Variants in RARB observed in about 807,000 individuals in gnomAD.
RARB encodes retinoic acid receptor beta.
A neutral mutation model predicts 51.9 loss-of-function variants in RARB; 17 were observed. That is an observed-to-expected ratio of 0.33 (90% CI 0.22 to 0.49). The LOEUF (loss-of-function observed/expected upper bound fraction) is 0.49. Ranked by LOEUF, RARB falls within the 20% of genes least tolerant of loss-of-function variation. The pLI is 0.99. For synonymous variants in RARB, 215 were observed against 195.4 expected, an observed-to-expected ratio of 1.10 and a Z score of -0.84; for missense variants, 369 against 550.8, an observed-to-expected ratio of 0.67 and a Z score of 3.30.
At chr3:25,267,808 T>A (rs1488904691) in intron 5 of RARB, among the ~76,000 whole-genome samples, 1 of 152,196 alleles carries the variant, frequency 6.6e-6, no homozygotes, top group East Asian at 1.9e-4. Context: ...ACAGTGAAAA[T>A]CAGAACATTA....
At chr3:25,573,616 C>T (rs1329650625) in intron 4 of RARB, among the ~76,000 whole-genome samples, 1 of 152,182 alleles carries the variant, frequency 6.6e-6, no homozygotes, top group Non-Finnish European at 1.5e-5. Flanking sequence ...TTCTGGAAGT[C>T]GGTGGTATAA....
intron 1 of RARB, among the ~76,000 whole-genome samples, chr3:25,436,465 C>T (rs1214507783): frequency 6.6e-6 from 1 of 152,160 alleles, no homozygotes; most frequent in African/African-American, 2.4e-5. Context: ...AAACTAACTG[C>T]TGTATCAAAT....
At chr3:25,563,178 AC>A (rs1420122834) in intron 3 of RARB, among the ~76,000 whole-genome samples, 1 of 152,118 alleles carries the variant, frequency 6.6e-6, no homozygotes, top group Admixed American at 6.5e-5. Flanking sequence ...GCCTCCTGTC[AC>A]CTTTTGAAGT....
chr3:25,051,418 C>T (rs2125299791), intron 2 of RARB, among the ~76,000 whole-genome samples: 1 of 152,206 alleles, frequency 6.6e-6, no homozygotes, highest in East Asian at 1.9e-4. Context: ...TCTAAAGATG[C>T]TTTATGCCTA....
At chr3:24,995,982 TAAG>T (rs1436001158) in intron 2 of RARB, among the ~76,000 whole-genome samples, 10 of 152,138 alleles carry the variant, frequency 6.6e-5, no homozygotes, top group African/African-American at 1.9e-4. Context: ...TAGAATGAGT[TAAG>T]AAGAATTTCT....
intron 2 of RARB, among the ~76,000 whole-genome samples, chr3:24,896,657 T>A (rs1553611771): frequency 6.6e-6 from 1 of 152,192 alleles, no homozygotes; most frequent in Non-Finnish European, 1.5e-5. Flanking sequence ...AACTGTATGC[T>A]TAAAAATATT....
intron 5 of RARB, among the ~76,000 whole-genome samples, chr3:25,243,200 G>T (rs939912775): frequency 6.6e-6 from 1 of 152,200 alleles, no homozygotes; most frequent in South Asian, 2.1e-4. Flanking sequence ...AGCTTAAGGA[G>T]TTCTTGGGCT....
intron 2 of RARB, among the ~76,000 whole-genome samples, chr3:25,034,418 C>A (rs1376721322): frequency 1.3e-5 from 2 of 152,200 alleles, no homozygotes; most frequent in Non-Finnish European, 2.9e-5. Flanking sequence ...CTTAAAAATG[C>A]AATGTCTTTC....
intron 2 of RARB, among the ~76,000 whole-genome samples, chr3:25,494,922 G>C (rs1443768683): frequency 6.6e-6 from 1 of 152,202 alleles, no homozygotes; most frequent in Non-Finnish European, 1.5e-5. Context: ...TGGCCAGACT[G>C]TGCTAACACT....
At position 25,201,621 on chromosome 3, in the gene RARB, T is replaced by A. The variant is rs545068116; in HGVS notation, c.178+27046T>A. Among the ~76,000 whole-genome samples, 32 of 152,276 alleles carry A rather than the reference T, an allele frequency of 2.1e-4. No homozygotes were observed. In the South Asian group the frequency reaches 6.4e-3, roughly 31 times the overall value. Reference sequence around the variant, plus strand: ...ATAGGTCCCATCAATACCTAATTTATTGAGAGTTTTTAGCATGAAGCGTTG... The same window carrying A: ...ATAGGTCCCATCAATACCTAATTTAATGAGAGTTTTTAGCATGAAGCGTTG... On this transcript the variant is annotated intron_variant, in intron 5 of 11. Transcript: ENST00000383772.
chr3:24,976,820 C>T (rs1252304827), intron 2 of RARB, among the ~76,000 whole-genome samples: 1 of 152,146 alleles, frequency 6.6e-6, no homozygotes, highest in Non-Finnish European at 1.5e-5. Context: ...GTGTTTTAGA[C>T]ATGAAGTCCT....
At chr3:25,404,661 T>TG (rs201272806) in intron 5 of RARB, among the ~76,000 whole-genome samples, 2,469 of 152,240 alleles carry the variant, frequency 0.016, 61 homozygotes, top group African/African-American at 0.057. Context: ...AGCAGGGGCA[T>TG]GGCGGGGAAG....
At chr3:24,970,046 T>A (rs1212086341) in intron 2 of RARB, among the ~76,000 whole-genome samples, 2 of 152,016 alleles carry the variant, frequency 1.3e-5, no homozygotes, top group African/African-American at 4.8e-5. Flanking sequence ...ACAGTACATA[T>A]TTTAGGCTGT....
chr3:25,588,933 A>G (rs1041920973), intron 5 of RARB, among the ~76,000 whole-genome samples: 1 of 152,196 alleles, frequency 6.6e-6, no homozygotes, highest in Non-Finnish European at 1.5e-5. Context: ...CACTTTCACC[A>G]TATTCTATTT....
At chr3:25,557,670 C>G (rs959678823) in intron 3 of RARB, among the ~76,000 whole-genome samples, 1 of 152,182 alleles carries the variant, frequency 6.6e-6, no homozygotes, top group Non-Finnish European at 1.5e-5. Flanking sequence ...AGACATCCCT[C>G]TTCTCTCACT....
chr3:25,086,657 A>G (rs1699110918), intron 3 of RARB, among the ~76,000 whole-genome samples: 1 of 151,404 alleles, frequency 6.6e-6, no homozygotes, highest in Non-Finnish European at 1.5e-5. Context: ...TAAGATGTAC[A>G]TTGGTTCGGT....
chr3:25,433,683 A>G (rs1010149432), intron 1 of RARB, among the ~76,000 whole-genome samples: 1 of 152,170 alleles, frequency 6.6e-6, no homozygotes, highest in African/African-American at 2.4e-5. Context: ...GCTTGGTCTA[A>G]GTACCTCTTG....
Position 24,830,420 on chromosome 3 carries a change from C to CGTGTGTGTGTGTGTGTGTGT in RARB, c.-459+1020_-459+1039dup, listed in dbSNP as rs59434163. On this transcript the variant is annotated intron_variant, in intron 1 of 11. Coordinates refer to the RARB transcript ENST00000383772. ...TTGAAAGTGAACAGGTGACAGAAGACGTGTGTGTGTGTGTGTGTGTGTACG... is the reference window on the plus strand; with the variant it reads ...TTGAAAGTGAACAGGTGACAGAAGACGTGTGTGTGTGTGTGTGTGTGTGTGTGTGTGTGTGTGTGTGTACG... 2.6e-3 allele frequency among the ~76,000 whole-genome samples: 317 copies of CGTGTGTGTGTGTGTGTGTGT among 121,506 alleles called. 5 individuals are homozygous for CGTGTGTGTGTGTGTGTGTGT. The highest frequency in any genetic ancestry group is 5.6e-3 in the African/African-American group (168 of 30,222). 79.7% of individuals were successfully genotyped at this position (121,506 alleles called of 152,430 possible).
At chr3:25,063,388 C>A (rs1261629079) in intron 3 of RARB, among the ~76,000 whole-genome samples, 2 of 151,996 alleles carry the variant, frequency 1.3e-5, no homozygotes, top group African/African-American at 4.8e-5. Flanking sequence ...TTAAGCCATG[C>A]CTTCTAACTT....
Sources: allele counts gnomAD v4.1 joint callset (sites outside exome capture counted in the v4.1 genomes callset), GRCh38; gene constraint gnomAD v4.1.1; transcripts MANE v1.5; gene names NCBI Gene and HGNC (gene_info 2026-07-23, HGNC 2026-07-21).